Variants in NFASC observed in about 807,000 individuals in gnomAD.
The protein encoded by NFASC is neurofascin, also known as neurofascin homolog.
Under a neutral mutation model 147.5 loss-of-function variants are expected in NFASC, and 43 were observed. The observed-to-expected ratio is 0.29, with a 90% CI of 0.23 to 0.38. The LOEUF (loss-of-function observed/expected upper bound fraction) is 0.38, where lower values mean the gene tolerates loss of function less well. NFASC is among the 10% of genes least tolerant of loss of function. The probability of loss-of-function intolerance (pLI) is 1.00; values close to 1 mark genes in which losing one functional copy is unlikely to be tolerated. For missense variants in NFASC, 1,320 were observed against 1,689.0 expected, an observed-to-expected ratio of 0.78 and a Z score of 3.83; for synonymous variants, 622 against 665.5, an observed-to-expected ratio of 0.93 and a Z score of 1.01.
chr1:205,008,288 C>T (rs1163692651), intron 27 of NFASC, among the ~76,000 whole-genome samples: 1 of 152,184 alleles, frequency 6.6e-6, no homozygotes, highest in Non-Finnish European at 1.5e-5. Flanking sequence ...GATAACTGCC[C>T]CACAAATGGC....
intron 1 of NFASC, among the ~76,000 whole-genome samples, chr1:204,847,510 ACTTCT>A (rs1354578662): frequency 3.9e-5 from 6 of 152,096 alleles, no homozygotes; most frequent in African/African-American, 1.4e-4. Flanking sequence ...GGGCAGGTCT[ACTTCT>A]CTTCTTACCT....
intron 17 of NFASC, among the ~76,000 whole-genome samples, chr1:204,977,934 G>A (rs1347451393): frequency 1.3e-5 from 2 of 152,156 alleles, no homozygotes; most frequent in Admixed American, 6.5e-5. Context: ...GGGTGAGCTC[G>A]GAAGTTCTCG....
At chr1:204,874,190 G>A (rs1434605117) in intron 1 of NFASC, among the ~76,000 whole-genome samples, 2 of 152,284 alleles carry the variant, frequency 1.3e-5, no homozygotes, top group Admixed American at 6.5e-5. Flanking sequence ...TGCGCTGGGG[G>A]ACAGGCCCAT....
chr1:204,916,345 T>C (rs1490567322), intron 1 of NFASC, among the ~76,000 whole-genome samples: 1 of 152,208 alleles, frequency 6.6e-6, no homozygotes, highest in Non-Finnish European at 1.5e-5. Context: ...AACCCTAAAG[T>C]CCTATGACTG....
chr1:204,850,106 C>T (rs1466124828), intron 1 of NFASC, among the ~76,000 whole-genome samples: 1 of 152,152 alleles, frequency 6.6e-6, no homozygotes, highest in Non-Finnish European at 1.5e-5. Context: ...CTAATCCTTG[C>T]TCTGCTCTGA....
intron 27 of NFASC, among the ~76,000 whole-genome samples, chr1:205,004,764 A>T (rs971712086): frequency 3.3e-5 from 5 of 152,026 alleles, no homozygotes; most frequent in African/African-American, 1.2e-4. Flanking sequence ...TTAGACAACC[A>T]CAGGCAGTCA....
rs760974013 is a variant in NFASC at position 204,944,228 on chromosome 1, G to A, written c.-88G>A. ...TGCTCTTATGTTTCTTTCCACAGCT[G>A]AGTGCTGTCCAGGAGGCCCAGTTAA... On this transcript the variant is annotated splice_region_variant and 5_prime_UTR_variant, in exon 3 of 30. It removes the in-frame stop codon of an upstream open reading frame in the 5' UTR. Coordinates refer to ENST00000339876, the MANE Select transcript of NFASC (RefSeq NM_001005388.3). 1 of 1,564,084 alleles carries A rather than the reference G, an allele frequency of 6.4e-7. No individual in the cohort carries two copies. The highest frequency in any genetic ancestry group is 2.4e-5 in the East Asian group (1 of 42,204).
intron 1 of NFASC, among the ~76,000 whole-genome samples, chr1:204,856,011 A>G (rs2076120647): frequency 6.6e-6 from 1 of 152,196 alleles, no homozygotes; most frequent in Non-Finnish European, 1.5e-5. Context: ...CCCAGTTCAC[A>G]CAAGAGGAAG....
chr1:204,933,314 A>G (rs2092534752), intron 2 of NFASC, among the ~76,000 whole-genome samples: 1 of 152,206 alleles, frequency 6.6e-6, no homozygotes, highest in Admixed American at 6.5e-5. Flanking sequence ...GATGGAGAAT[A>G]AGCAACACTG....
At chr1:204,830,738 T>C (rs1182707091) in intron 1 of NFASC, among the ~76,000 whole-genome samples, 1 of 152,172 alleles carries the variant, frequency 6.6e-6, no homozygotes, top group African/African-American at 2.4e-5. Context: ...TGGTTGCCAC[T>C]GTGGAACAGG....
chr1:204,874,869 G>A (rs1302686285), intron 1 of NFASC, among the ~76,000 whole-genome samples: 1 of 152,188 alleles, frequency 6.6e-6, no homozygotes, highest in African/African-American at 2.4e-5. Flanking sequence ...GAGAGGGGTG[G>A]GTGGTGGGGG....
chr1:204,830,006 GGTGT>G (rs58294218), intron 1 of NFASC, among the ~76,000 whole-genome samples: 90,674 of 143,896 alleles, frequency 0.63, 30,843 homozygotes, highest in Non-Finnish European at 0.79. Flanking sequence ...TTTGGCATGG[GGTGT>G]GTGTGTGTGT....
chr1:204,997,196 G>T lies in NFASC; in HGVS notation c.2809G>T (p.Val937Leu), dbSNP rs201275034. 1.2e-6 allele frequency: 2 copies of T among 1,613,196 alleles called. No homozygotes were observed. The highest frequency in any genetic ancestry group is 4.5e-5 in the East Asian group (2 of 44,856). ...TCCTCCCACATTGCCCCCGACTACC[G>T]TGGGTGCGACGGGCGCTGTGAGCAG... ...AAPPTLPPTT[V>L]GATGAVSSTD... Residue 937 changes from valine to leucine, a missense_variant, in exon 25 of 30, where the codon GTG becomes TTG. Coordinates refer to ENST00000339876, the MANE Select transcript of NFASC (RefSeq NM_001005388.3).
At chr1:204,971,383 T>A (rs2095250829) in intron 11 of NFASC, among the ~76,000 whole-genome samples, 1 of 152,130 alleles carries the variant, frequency 6.6e-6, no homozygotes, top group South Asian at 2.1e-4. Context: ...CATCATAGAC[T>A]CTCTGGTTGC....
chr1:204,952,573 C>G (rs1161599284), intron 5 of NFASC, among the ~76,000 whole-genome samples: 1 of 152,172 alleles, frequency 6.6e-6, no homozygotes, highest in Non-Finnish European at 1.5e-5. Context: ...GGTTCTGTTA[C>G]TCACGTTTTG....
chr1:204,842,457 G>A (rs1249318953), intron 1 of NFASC, among the ~76,000 whole-genome samples: 4 of 151,144 alleles, frequency 2.6e-5, no homozygotes, highest in Non-Finnish European at 4.4e-5. Flanking sequence ...TTCTCTTTGA[G>A]TGTCCCTAGA....
At chr1:204,932,514 C>T (rs983275489) in intron 2 of NFASC, among the ~76,000 whole-genome samples, 5 of 150,132 alleles carry the variant, frequency 3.3e-5, no homozygotes, top group Admixed American at 2.7e-4. Flanking sequence ...TTGCAAAAGG[C>T]ATTTAAAAAA....
intron 21 of NFASC, chr1:204,985,997 C>T (rs751963414): frequency 6.2e-6 from 10 of 1,613,806 alleles, no homozygotes; most frequent in Non-Finnish European, 6.8e-6. Flanking sequence ...TGACCGCCTC[C>T]GTGGCGTGGT....
chr1:204,909,961 A>G (rs2369425), intron 1 of NFASC, among the ~76,000 whole-genome samples: 32,720 of 151,772 alleles, frequency 0.22, 3,935 homozygotes, highest in East Asian at 0.43. Context: ...TCCTTCACCA[A>G]TACCATGTAG....
Sources: allele counts gnomAD v4.1 joint callset (sites outside exome capture counted in the v4.1 genomes callset), GRCh38; gene constraint gnomAD v4.1.1; transcripts MANE v1.5; gene names NCBI Gene and HGNC (gene_info 2026-07-23, HGNC 2026-07-21).